VTI1A: variants seen among roughly 807,000 people sequenced by gnomAD.
VTI1A encodes the protein vesicle transport through interaction with t-SNAREs 1A.
VTI1A carries 22 observed loss-of-function variants against 34.9 expected under a neutral mutation model. The ratio of observed to expected loss-of-function variants is 0.63; its 90% CI spans 0.45 to 0.90. The LOEUF (loss-of-function observed/expected upper bound fraction) is 0.90. Ranked by LOEUF, VTI1A falls within the 40% of genes least tolerant of loss-of-function variation. The pLI is 0.00. For synonymous variants in VTI1A, 87 were observed against 97.3 expected, an observed-to-expected ratio of 0.89 and a Z score of 0.62; for missense variants, 268 against 275.6, an observed-to-expected ratio of 0.97 and a Z score of 0.20.
intron 4 of VTI1A, among the ~76,000 whole-genome samples, chr10:112,533,874 CAAGTTT>C (rs902671271): frequency 6.6e-6 from 1 of 151,862 alleles, no homozygotes; most frequent in Non-Finnish European, 1.5e-5. Flanking sequence ...GCTGTAACTT[CAAGTTT>C]ATTTATGTAG....
chr10:112,806,576 G>A (rs1307555274), intron 7 of VTI1A, among the ~76,000 whole-genome samples: 3 of 148,752 alleles, frequency 2.0e-5, no homozygotes, highest in African/African-American at 5.0e-5. Flanking sequence ...ATGAGCCACC[G>A]TGCCCAGCCT....
intron 3 of VTI1A, among the ~76,000 whole-genome samples, chr10:112,479,660 C>A (rs1229320929): frequency 1.3e-5 from 2 of 152,160 alleles, no homozygotes; most frequent in African/African-American, 4.8e-5. Flanking sequence ...CACCCCCCAC[C>A]TTCCCGTAAC....
intron 7 of VTI1A, among the ~76,000 whole-genome samples, chr10:112,749,020 G>A (rs1029558461): frequency 2.0e-5 from 3 of 152,148 alleles, no homozygotes; most frequent in Non-Finnish European, 2.9e-5. Flanking sequence ...AAAGTCTACC[G>A]TATGACCCAA....
chr10:112,840,530 A>G, the VTI1A span, among the ~76,000 whole-genome samples: 8 of 152,260 alleles, frequency 5.3e-5, no homozygotes, highest in Non-Finnish European at 1.2e-4. Flanking sequence ...TTATTTCCAC[A>G]ATGCCGAGGC....
At chr10:112,476,813 C>T (rs1848292620) in intron 3 of VTI1A, among the ~76,000 whole-genome samples, 1 of 152,084 alleles carries the variant, frequency 6.6e-6, no homozygotes, top group Non-Finnish European at 1.5e-5. Flanking sequence ...TTTCATAAGT[C>T]TTCAGTTGCT....
In VTI1A at chr10:112,751,475, TAAA is replaced by T. The variant is rs11411829; in HGVS notation, c.561-63795_561-63793del. 2.6e-3 allele frequency among the ~76,000 whole-genome samples: 264 copies of T among 100,966 alleles called. 1 individual carries two copies. Among genetic ancestry groups the T allele is most frequent in the African/African-American group, 9.6e-3 (253 of 26,360 alleles). The allele number at this position is 100,966 out of a possible 152,430, so 66.2% of individuals were successfully genotyped here. On this transcript the variant is annotated intron_variant, in intron 7 of 7. Coordinates refer to ENST00000393077, the MANE Select transcript of VTI1A (RefSeq NM_145206.4). ...CAACAATGTTCAGTAATTAACTGTTTAAAAAAAAAAAAAAAAAAAAAAGCCCTG... is the reference window on the plus strand; with the variant it reads ...CAACAATGTTCAGTAATTAACTGTTTAAAAAAAAAAAAAAAAAAAGCCCTG...
At chr10:112,492,762 G>T (rs1848873919) in intron 3 of VTI1A, among the ~76,000 whole-genome samples, 1 of 150,756 alleles carries the variant, frequency 6.6e-6, no homozygotes, top group Admixed American at 6.6e-5. Flanking sequence ...ACTCCAGCCT[G>T]GCAACAGTCT....
chr10:112,825,204 G>C, the VTI1A span: 1 of 152,480 alleles, frequency 6.6e-6, no homozygotes, highest in East Asian at 1.9e-4. Flanking sequence ...TCCAGGATCT[G>C]CTTCTCAGCT....
chr10:112,449,938 C>T (rs556456651), intron 1 of VTI1A: 7 of 152,158 alleles, frequency 4.6e-5, no homozygotes, highest in Admixed American at 2.6e-4. Flanking sequence ...CTTGCTGTAT[C>T]GCCCACGTTG....
intron 5 of VTI1A, among the ~76,000 whole-genome samples, chr10:112,612,228 T>C (rs1211737809): frequency 1.3e-5 from 2 of 152,128 alleles, no homozygotes; most frequent in Non-Finnish European, 2.9e-5. Context: ...GGTCAGATAG[T>C]GATTTGTCCT....
intron 3 of VTI1A, among the ~76,000 whole-genome samples, chr10:112,508,478 T>G (rs1849506145): frequency 6.6e-6 from 1 of 152,180 alleles, no homozygotes; most frequent in Admixed American, 6.5e-5. Flanking sequence ...TTCATCCATC[T>G]ATTCTATTCA....
chr10:112,475,520 T>C (rs1312147749), intron 3 of VTI1A, among the ~76,000 whole-genome samples: 1 of 152,234 alleles, frequency 6.6e-6, no homozygotes. Context: ...GCTATGACTT[T>C]ATGGCATTTC....
intron 5 of VTI1A, among the ~76,000 whole-genome samples, chr10:112,585,663 C>CTTTTTT (rs61436886): frequency 3.4e-5 from 4 of 117,294 alleles, no homozygotes; most frequent in Non-Finnish European, 6.9e-5. Flanking sequence ...TTGTGGATTT[C>CTTTTTT]TTTTTTTTTT....
In VTI1A at chr10:112,779,456, A is replaced by G. The variant is rs1224112880; in HGVS notation, c.561-35834A>G. Among the ~76,000 whole-genome samples, 3 of 152,218 alleles carry G rather than the reference A, an allele frequency of 2.0e-5. No individual in the cohort carries two copies. The South Asian group carries it at 6.2e-4, about 32-fold the overall frequency. On this transcript the variant is annotated intron_variant, in intron 7 of 7. Coordinates refer to ENST00000393077, the MANE Select transcript of VTI1A (RefSeq NM_145206.4). ...CATAAAATAAGTTTGTTGTGAACATATCTACATAAGAGAGATTGTCCTCTC... is the reference window on the plus strand; with the variant it reads ...CATAAAATAAGTTTGTTGTGAACATGTCTACATAAGAGAGATTGTCCTCTC...
intron 5 of VTI1A, among the ~76,000 whole-genome samples, chr10:112,599,621 C>G (rs1336593345): frequency 6.6e-6 from 1 of 152,112 alleles, no homozygotes; most frequent in African/African-American, 2.4e-5. Flanking sequence ...CACCTGTCTT[C>G]CAGGCAGGAG....
chr10:112,681,331 T>G (rs1326266032), intron 7 of VTI1A, among the ~76,000 whole-genome samples: 2 of 152,114 alleles, frequency 1.3e-5, no homozygotes, highest in Non-Finnish European at 2.9e-5. Flanking sequence ...TCCTCTTGCC[T>G]CAGCCCCCCA....
chr10:112,713,484 C>T (rs935878401), intron 7 of VTI1A, among the ~76,000 whole-genome samples: 4 of 151,882 alleles, frequency 2.6e-5, no homozygotes, highest in African/African-American at 7.3e-5. Flanking sequence ...TTTCTTTTAC[C>T]GATGAGGAAA....
At chr10:112,673,251 G>A (rs912460858) in intron 7 of VTI1A, among the ~76,000 whole-genome samples, 1 of 151,718 alleles carries the variant, frequency 6.6e-6, no homozygotes, top group Non-Finnish European at 1.5e-5. Flanking sequence ...GGAGGCGAAA[G>A]GTTGCAGCGA....
chr10:112,591,467 C>G (rs1248566469), intron 5 of VTI1A, among the ~76,000 whole-genome samples: 4 of 152,122 alleles, frequency 2.6e-5, no homozygotes, highest in Non-Finnish European at 5.9e-5. Context: ...TTGCAGTGAG[C>G]AGAGATCGCA....
Sources: allele counts gnomAD v4.1 joint callset (sites outside exome capture counted in the v4.1 genomes callset), GRCh38; gene constraint gnomAD v4.1.1; transcripts MANE v1.5; gene names NCBI Gene and HGNC (gene_info 2026-07-23, HGNC 2026-07-21).